Variants in SLC14A2 observed in about 807,000 individuals in gnomAD.
SLC14A2 encodes urea transporter 2.
A neutral mutation model predicts 104.6 loss-of-function variants in SLC14A2; 91 were observed. The ratio of observed to expected loss-of-function variants is 0.87; its 90% CI spans 0.73 to 1.04. SLC14A2 has a LOEUF of 1.04. Among genes scored for constraint, SLC14A2 ranks in the 50% least tolerant of loss-of-function variants. SLC14A2 has a pLI of 0.00. For synonymous variants in SLC14A2, 476 were observed against 466.4 expected (o/e 1.02, Z -0.27); for missense variants, 1,189 against 1,156.0 (o/e 1.03, Z -0.41).
intron 1 of SLC14A2, among the ~76,000 whole-genome samples, chr18:45,455,593 C>T (rs899583107): frequency 5.3e-5 from 8 of 151,476 alleles, no homozygotes; most frequent in South Asian, 2.1e-4. Flanking sequence ...TGTATACCTA[C>T]GTAACAAAAC....
chr18:45,188,042 G>A, the SLC14A2 span, among the ~76,000 whole-genome samples: 2 of 152,074 alleles, frequency 1.3e-5, no homozygotes, highest in African/African-American at 4.8e-5. Flanking sequence ...TATATCCCGG[G>A]TCATCAAATT....
intron 2 of SLC14A2, among the ~76,000 whole-genome samples, chr18:45,537,240 G>T (rs1164780304): frequency 4.0e-5 from 6 of 151,836 alleles, no homozygotes; most frequent in Non-Finnish European, 7.4e-5. Context: ...AGCAGAGATG[G>T]GCAAATAAGT....
At chr18:45,346,848 G>A (rs2085453103) in intron 1 of SLC14A2, among the ~76,000 whole-genome samples, 1 of 152,038 alleles carries the variant, frequency 6.6e-6, no homozygotes, top group African/African-American at 2.4e-5. Context: ...TGTAATCCCA[G>A]CTACTTGGGA....
At chr18:45,626,043 G>A (rs1030683988) in intron 3 of SLC14A2, among the ~76,000 whole-genome samples, 180 bp downstream of exon 3, 9 of 152,134 alleles carry the variant, frequency 5.9e-5, no homozygotes, top group Non-Finnish European at 7.4e-5. Context: ...GCCCTAAGCT[G>A]ACTCCAAGGG....
chr18:45,475,995 G>A (rs778414447), intron 1 of SLC14A2, among the ~76,000 whole-genome samples: 6 of 151,960 alleles, frequency 3.9e-5, no homozygotes, highest in Admixed American at 6.6e-5. Flanking sequence ...GGTTAATATC[G>A]TTATGTGTGA....
intron 2 of SLC14A2, among the ~76,000 whole-genome samples, chr18:45,569,828 C>T (rs187559568): frequency 2.9e-4 from 44 of 152,294 alleles, no homozygotes; most frequent in Non-Finnish European, 5.1e-4. Context: ...TTCCAGCCAT[C>T]GACCAACCAG....
intron 1 of SLC14A2, among the ~76,000 whole-genome samples, chr18:45,428,298 C>G (rs749015624): frequency 3.3e-5 from 5 of 152,150 alleles, no homozygotes; most frequent in Non-Finnish European, 5.9e-5. Context: ...ATATCTGACT[C>G]AAATAAAACA....
intron 1 of SLC14A2, among the ~76,000 whole-genome samples, chr18:45,415,225 T>C (rs2086264374): frequency 6.6e-6 from 1 of 152,174 alleles, no homozygotes; most frequent in South Asian, 2.1e-4. Flanking sequence ...TACTGCAGAC[T>C]AGTAAAGAAA....
At chr18:45,170,700 C>T in the SLC14A2 span, among the ~76,000 whole-genome samples, 1 of 152,176 alleles carries the variant, frequency 6.6e-6, no homozygotes, top group East Asian at 1.9e-4. Context: ...TAACACTGAT[C>T]ACCTGCTCTG....
At chr18:45,442,781 TA>T (rs2086700922) in intron 1 of SLC14A2, among the ~76,000 whole-genome samples, 1 of 152,228 alleles carries the variant, frequency 6.6e-6, no homozygotes, top group Non-Finnish European at 1.5e-5. Flanking sequence ...AGGAAGCTAC[TA>T]TCACTATTGT....
intron 1 of SLC14A2, among the ~76,000 whole-genome samples, chr18:45,453,958 C>A (rs1299547181): frequency 2.1e-5 from 3 of 142,946 alleles, no homozygotes; most frequent in Non-Finnish European, 4.5e-5. Flanking sequence ...CTCCCGGGTT[C>A]AAGCGATTCT....
intron 1 of SLC14A2, among the ~76,000 whole-genome samples, chr18:45,214,105 T>C (rs1431610778): frequency 6.6e-6 from 1 of 152,216 alleles, no homozygotes; most frequent in Non-Finnish European, 1.5e-5. Flanking sequence ...CCCAAACTTC[T>C]GCTGCTACGT....
chr18:45,198,693 T>G, the SLC14A2 span, among the ~76,000 whole-genome samples: 8 of 152,288 alleles, frequency 5.3e-5, no homozygotes, highest in African/African-American at 1.9e-4. Context: ...TTCTATTGTT[T>G]TAGTGGTTGC....
intron 1 of SLC14A2, among the ~76,000 whole-genome samples, chr18:45,279,043 G>A (rs569599093): frequency 1.3e-5 from 2 of 152,258 alleles, no homozygotes; most frequent in South Asian, 4.1e-4. Context: ...AGTAAATTGG[G>A]GAGTTGAATC....
intron 1 of SLC14A2, among the ~76,000 whole-genome samples, chr18:45,425,889 A>G: frequency 6.6e-6 from 1 of 151,878 alleles, no homozygotes; most frequent in East Asian, 1.9e-4. Context: ...GAGGGGGTGG[A>G]TTTCATTTGA....
At chr18:45,203,124 C>T in the SLC14A2 span, among the ~76,000 whole-genome samples, 10 of 152,158 alleles carry the variant, frequency 6.6e-5, no homozygotes, top group East Asian at 1.9e-4. Context: ...GAGAGTAGTC[C>T]GAGGAGAGGC....
rs565635841 is a variant in SLC14A2, at chr18:45,670,742, C to T, written c.2229+1244C>T. Among the ~76,000 whole-genome samples, 6 of 152,312 alleles carry T rather than the reference C, an allele frequency of 3.9e-5. No homozygotes were observed. In the South Asian group the frequency reaches 1.2e-3, roughly 32 times the overall value. On this transcript the variant is annotated intron_variant, in intron 16 of 19. Transcript: ENST00000255226. Reference sequence around the variant, plus strand: ...GTGACGCAATCACAGCTCACTGCAGCCTCAAACTCCTGTGTTCAAGGGATC... The same window carrying T: ...GTGACGCAATCACAGCTCACTGCAGTCTCAAACTCCTGTGTTCAAGGGATC...
chr18:45,627,691 G>T (rs118002686), intron 4 of SLC14A2, among the ~76,000 whole-genome samples: 1 of 152,104 alleles, frequency 6.6e-6, no homozygotes, highest in African/African-American at 2.4e-5. Flanking sequence ...AGTTGGCCTC[G>T]CACTGGCTGG....
chr18:45,266,335 G>A (rs1038822937), intron 1 of SLC14A2, among the ~76,000 whole-genome samples: 7 of 152,078 alleles, frequency 4.6e-5, no homozygotes, highest in African/African-American at 1.2e-4. Flanking sequence ...CAATTCTGAC[G>A]GGTTCCTCTC....
Sources: gnomAD v4.1 joint callset for allele counts (sites outside exome capture counted in the v4.1 genomes callset) on GRCh38, gnomAD v4.1.1 for gene constraint, MANE v1.5 for transcripts, NCBI Gene and HGNC (gene_info 2026-07-23, HGNC 2026-07-21) for gene names.